The following PSEN1 variants were observed in gnomAD, a reference collection of about 807,000 sequenced individuals.
PSEN1 encodes presenilin-1.
PSEN1 carries 15 observed loss-of-function variants against 53.5 expected under a neutral mutation model. The ratio of observed to expected loss-of-function variants is 0.28; its 90% CI spans 0.19 to 0.43. The LOEUF (loss-of-function observed/expected upper bound fraction) is 0.43, where lower values mean the gene tolerates loss of function less well. Ranked by LOEUF, PSEN1 falls within the 20% of genes least tolerant of loss-of-function variation. The pLI is 1.00. For missense variants in PSEN1, 387 were observed against 571.2 expected, an observed-to-expected ratio of 0.68 and a Z score of 3.29; for synonymous variants, 208 against 209.8, an observed-to-expected ratio of 0.99 and a Z score of 0.08.
chr14:73,173,949 C>T, intron 5 of PSEN1: 2 of 614,194 alleles, frequency 3.3e-6, no homozygotes, highest in Non-Finnish European at 5.8e-6. Context: ...CAGGAGTTCA[C>T]AAGCAGCTTG....
Position 73,219,007 on chromosome 14 carries a change from T to C in PSEN1, c.1249-127T>C, listed in dbSNP as rs983865234. The C allele has an allele frequency of 7.4e-6, 8 of 1,085,048 alleles. No homozygotes were observed. The Admixed American group carries it at 1.4e-4, about 19-fold the overall frequency. The allele number at this position is 1,085,048 out of a possible 1,614,324, so 67.2% of individuals were successfully genotyped here. ...TTCCAGATTGAATGAACGTCTGTTC[T>C]AAAATTTAACCCCAAAAGGAAAATA... On this transcript the variant is annotated intron_variant, in intron 11 of 11. Coordinates refer to ENST00000324501, the MANE Select transcript of PSEN1 (RefSeq NM_000021.4).
rs1347215917 is a variant in PSEN1, at chr14:73,163,583, A to C, written c.88-7214A>C. 1.8e-4 allele frequency among the ~76,000 whole-genome samples: 28 copies of C among 152,254 alleles called. 1 individual carries two copies. The highest frequency in any genetic ancestry group is 1.8e-3 in the Admixed American group (28 of 15,284). On this transcript the variant is annotated intron_variant, in intron 3 of 11. Coordinates refer to ENST00000324501, the MANE Select transcript of PSEN1 (RefSeq NM_000021.4). Reference sequence around the variant, plus strand: ...AATAGTCAAGTGACAAACAGGAGCTACATCAAATAATCACAAGTACACTTC... The same window carrying C: ...AATAGTCAAGTGACAAACAGGAGCTCCATCAAATAATCACAAGTACACTTC...
At chr14:73,199,355 T>A (rs1899083971) in intron 8 of PSEN1, among the ~76,000 whole-genome samples, 1 of 152,146 alleles carries the variant, frequency 6.6e-6, no homozygotes, top group Admixed American at 6.5e-5. Context: ...GTTTAGAGAA[T>A]GAGACAAGAG....
Position 73,152,531 on chromosome 14 carries a change from C to T in PSEN1, c.87+4425C>T, listed in dbSNP as rs141114226. 1.2e-3 allele frequency among the ~76,000 whole-genome samples: 178 copies of T among 151,562 alleles called. 1 individual carries two copies. Among genetic ancestry groups the T allele is most frequent in the African/African-American group, 4.2e-3 (174 of 41,316 alleles). On this transcript the variant is annotated intron_variant, in intron 3 of 11. Transcript: ENST00000324501. ...CTGAAGCACGAGAATTGCTTGAACC[C>T]AGGACTCAGAGGTTGCAGTGAGCTG...
intron 8 of PSEN1, among the ~76,000 whole-genome samples, chr14:73,203,235 C>G (rs1309871881): frequency 1.3e-5 from 2 of 152,026 alleles, no homozygotes; most frequent in Admixed American, 1.3e-4. Context: ...CCTGCCACCA[C>G]GCCCAGCTAA....
chr14:73,169,915 G>T (rs540540587), intron 3 of PSEN1, among the ~76,000 whole-genome samples: 1 of 152,176 alleles, frequency 6.6e-6, no homozygotes, highest in Non-Finnish European at 1.5e-5. Flanking sequence ...CAAAGTGCTG[G>T]GATTTCAGGC....
rs1186921147 is a variant in PSEN1 at position 73,219,266 on chromosome 14, G to T, written c.1381G>T (p.Ala461Ser). The stretch of plus-strand genomic sequence containing the variant: ...TGTACAGCCTTTTATGGACCAATTA[G>T]CATTCCATCAATTTTATATCTAGCA... ...YLVQPFMDQL[A>S]FHQFYI is the part of the protein sequence containing the mutation. The change falls in exon 12 of 12, where the codon GCA becomes TCA. Residue 461 changes from alanine (A) to serine (S), a missense_variant. Physicochemically the swap from Ala to Ser is moderately conservative, Grantham distance 99. This residue lies in a region of PSEN1 where 44 missense variants were observed against 106.3 expected (regional missense o/e 0.41). Transcript: ENST00000324501. 3 of 1,613,430 alleles carry T rather than the reference G, an allele frequency of 1.9e-6. No homozygotes were observed. The highest frequency in any genetic ancestry group is 3.3e-5 in the Admixed American group (2 of 59,978).
chr14:73,196,878 C>T (rs1262750741), intron 7 of PSEN1, among the ~76,000 whole-genome samples: 1 of 151,174 alleles, frequency 6.6e-6, no homozygotes, highest in Non-Finnish European at 1.5e-5. Context: ...TTATATTTTT[C>T]AGTGTTTAAA....
chr14:73,198,863 T>C (rs1566645991), intron 8 of PSEN1, among the ~76,000 whole-genome samples: 1 of 152,152 alleles, frequency 6.6e-6, no homozygotes, highest in African/African-American at 2.4e-5. Context: ...AGCCTCGACC[T>C]CCCAGGCTCA....
intron 3 of PSEN1, among the ~76,000 whole-genome samples, chr14:73,158,282 T>TTCTG (rs150258982): frequency 8.5e-5 from 12 of 141,464 alleles, no homozygotes; most frequent in African/African-American, 2.9e-4. Context: ...TAACTTTTTT[T>TTCTG]TCTATCTATC....
intron 1 of PSEN1, among the ~76,000 whole-genome samples, chr14:73,141,646 A>G (rs1158086532): frequency 1.3e-5 from 2 of 152,052 alleles, no homozygotes; most frequent in Non-Finnish European, 2.9e-5. Flanking sequence ...TTAGCTGGGC[A>G]TGGTGGTGGG....
intron 7 of PSEN1, among the ~76,000 whole-genome samples, chr14:73,194,893 A>T (rs1898878430): frequency 6.6e-6 from 1 of 152,120 alleles, no homozygotes; most frequent in Non-Finnish European, 1.5e-5. Context: ...GTCATTATTT[A>T]CATACTTACT....
At chr14:73,185,033 C>T (rs962433601) in intron 5 of PSEN1, among the ~76,000 whole-genome samples, 3 of 151,854 alleles carry the variant, frequency 2.0e-5, no homozygotes, top group African/African-American at 7.3e-5. Flanking sequence ...ACGCTCCTCA[C>T]TTCCTAGATG....
intron 9 of PSEN1, among the ~76,000 whole-genome samples, chr14:73,207,365 A>G (rs966271692): frequency 1.3e-5 from 2 of 152,156 alleles, no homozygotes; most frequent in Admixed American, 6.5e-5. Context: ...CACAATATAA[A>G]TAGTCTAAAA....
At chr14:73,202,444 ATATATATATATATATATATTTTTTTTT>A (rs1184834318) in intron 8 of PSEN1, among the ~76,000 whole-genome samples, 39 of 14,852 alleles carry the variant, frequency 2.6e-3, no homozygotes, top group African/African-American at 0.013. Flanking sequence ...ATATATATAT[ATATATATATATATATATATTTTTTTTT>A]TTTTTTTTTT....
intron 3 of PSEN1, among the ~76,000 whole-genome samples, chr14:73,164,110 T>A (rs1897636832): frequency 6.6e-6 from 1 of 152,192 alleles, no homozygotes; most frequent in Non-Finnish European, 1.5e-5. Context: ...GGAGGTATTC[T>A]GGCAGAATTT....
chr14:73,140,456 G>A (rs1050262573), intron 1 of PSEN1, among the ~76,000 whole-genome samples: 1 of 151,842 alleles, frequency 6.6e-6, no homozygotes, highest in African/African-American at 2.4e-5. Flanking sequence ...TGATCCACCC[G>A]CCTCAGCCTC....
intron 5 of PSEN1, among the ~76,000 whole-genome samples, chr14:73,180,454 G>A (rs912655664): frequency 3.9e-5 from 6 of 152,162 alleles, no homozygotes; most frequent in Non-Finnish European, 8.8e-5. Flanking sequence ...AGGATCTTTT[G>A]AGTCAGAGAT....
intron 10 of PSEN1, among the ~76,000 whole-genome samples, chr14:73,212,277 A>C (rs896500979): frequency 6.6e-6 from 1 of 150,944 alleles, no homozygotes; most frequent in African/African-American, 2.4e-5. Flanking sequence ...CGCCTGGATA[A>C]TTTTTGTATT....
Sources: gnomAD v4.1 joint callset for allele counts (sites outside exome capture counted in the v4.1 genomes callset) on GRCh38, gnomAD v4.1.1 for gene constraint, gnomAD v4.1.1 regional missense constraint, MANE v1.5 for transcripts, NCBI Gene and HGNC (gene_info 2026-07-23, HGNC 2026-07-21) for gene names.